The following GALNT13 variants were observed in gnomAD, a reference collection of about 807,000 sequenced individuals.
GALNT13 encodes polypeptide N-acetylgalactosaminyltransferase 13, also known as UDP-GalNAc:polypeptide N-acetylgalactosaminyltransferase 13.
A neutral mutation model predicts 64.2 loss-of-function variants in GALNT13; 28 were observed. That is an observed-to-expected ratio of 0.44 (90% CI 0.32 to 0.60). The LOEUF is 0.60. Among genes scored for constraint, GALNT13 ranks in the 20% least tolerant of loss-of-function variants. The probability of loss-of-function intolerance (pLI) is 0.05; values close to 1 mark genes in which losing one functional copy is unlikely to be tolerated. For synonymous variants in GALNT13, 214 were observed against 224.6 expected (o/e 0.95, Z 0.42); for missense variants, 577 against 669.8 (o/e 0.86, Z 1.53).
At chr2:153,813,607 C>T in the GALNT13 span, among the ~76,000 whole-genome samples, 2 of 152,140 alleles carry the variant, frequency 1.3e-5, no homozygotes, top group African/African-American at 4.8e-5. Flanking sequence ...AGAGGCCATC[C>T]GGTCTGACCT....
the GALNT13 span, among the ~76,000 whole-genome samples, chr2:153,647,904 T>C: frequency 3.3e-5 from 5 of 152,096 alleles, no homozygotes; most frequent in African/African-American, 9.7e-5. Flanking sequence ...TAGCGTGATG[T>C]CTCCAGCTTT....
chr2:153,560,859 A>T, the GALNT13 span, among the ~76,000 whole-genome samples: 2 of 152,068 alleles, frequency 1.3e-5, no homozygotes, highest in Admixed American at 6.6e-5. Context: ...GAAGAACATT[A>T]TGGAATTTTA....
At chr2:153,666,120 C>T in the GALNT13 span, among the ~76,000 whole-genome samples, 1 of 152,060 alleles carries the variant, frequency 6.6e-6, no homozygotes, top group South Asian at 2.1e-4. Flanking sequence ...CTTCATTACC[C>T]AACCAGGGTG....
the GALNT13 span, among the ~76,000 whole-genome samples, chr2:153,418,403 A>G: frequency 6.6e-6 from 1 of 152,180 alleles, no homozygotes; most frequent in Admixed American, 6.5e-5. Flanking sequence ...AGTTTGTTGT[A>G]ATTTGCCAAG....
the GALNT13 span, among the ~76,000 whole-genome samples, chr2:153,725,936 T>G: frequency 6.6e-6 from 1 of 152,230 alleles, no homozygotes; most frequent in Non-Finnish European, 1.5e-5. Context: ...AATTATGCTT[T>G]TAATATTTTT....
At chr2:153,431,147 CA>C in the GALNT13 span, among the ~76,000 whole-genome samples, 671 of 87,028 alleles carry the variant, frequency 7.7e-3, 13 homozygotes, top group East Asian at 0.12. Flanking sequence ...GAGACTCTGT[CA>C]AAAAAAAAAA....
the GALNT13 span, among the ~76,000 whole-genome samples, chr2:153,496,818 G>A: frequency 1.6e-3 from 238 of 151,372 alleles, 1 homozygote; most frequent in African/African-American, 5.4e-3. Context: ...AAACCCCATC[G>A]CTACTAAAAA....
rs1488037538 is a variant in GALNT13, at chr2:153,947,287, T to A, written c.142+2648T>A. ...ACCTGCCATGGAGCTTAAAGTCAAA[T>A]ATATAGTAAACATTTTTGTCTTTCT... On this transcript the variant is annotated intron_variant, in intron 3 of 12. Transcript: ENST00000392825. Among the ~76,000 whole-genome samples, 4 of 151,960 alleles carry A rather than the reference T, an allele frequency of 2.6e-5. No individual in the cohort carries two copies. The East Asian group carries it at 7.7e-4, about 29-fold the overall frequency.
chr2:153,316,639 C>CA, the GALNT13 span, among the ~76,000 whole-genome samples: 543 of 69,738 alleles, frequency 7.8e-3, 15 homozygotes, highest in East Asian at 0.026. Flanking sequence ...GACTCCGTCT[C>CA]AAAAAAAAAA....
chr2:154,217,765 A>C (rs1182288569), intron 4 of GALNT13, among the ~76,000 whole-genome samples: 1 of 152,192 alleles, frequency 6.6e-6, no homozygotes, highest in African/African-American at 2.4e-5. Context: ...TTAAAACTGC[A>C]TGGAAGTATA....
intron 9 of GALNT13, among the ~76,000 whole-genome samples, chr2:154,375,348 G>C (rs1297501616): frequency 6.6e-6 from 1 of 152,080 alleles, no homozygotes; most frequent in Non-Finnish European, 1.5e-5. Context: ...TAAAAAGATA[G>C]AGCTATACAT....
the GALNT13 span, among the ~76,000 whole-genome samples, chr2:153,204,069 C>A: frequency 6.6e-5 from 10 of 152,186 alleles, no homozygotes; most frequent in African/African-American, 2.2e-4. Context: ...ACTTGTTAAC[C>A]AATCACACTA....
intron 3 of GALNT13, among the ~76,000 whole-genome samples, chr2:154,034,301 A>C (rs2105313071): frequency 6.6e-6 from 1 of 152,308 alleles, no homozygotes; most frequent in African/African-American, 2.4e-5. Context: ...TAAATGAACT[A>C]TTGATATACA....
At chr2:153,514,459 G>A in the GALNT13 span, among the ~76,000 whole-genome samples, 21,768 of 152,088 alleles carry the variant, frequency 0.14, 1,846 homozygotes, top group African/African-American at 0.24. Context: ...TGCCAAACCT[G>A]TCAGTCACTT....
chr2:154,346,136 G>T (rs1442994924), intron 9 of GALNT13, among the ~76,000 whole-genome samples: 1 of 151,682 alleles, frequency 6.6e-6, no homozygotes, highest in Admixed American at 6.6e-5. Context: ...ATTTAACCTT[G>T]CTCAGTTTTA....
the GALNT13 span, among the ~76,000 whole-genome samples, chr2:153,350,234 G>T: frequency 6.6e-6 from 1 of 152,064 alleles, no homozygotes; most frequent in Admixed American, 6.5e-5. Flanking sequence ...TAGAAGATAC[G>T]TAAAATCAGT....
the GALNT13 span, chr2:153,478,870 C>G: frequency 2.8e-6 from 1 of 356,362 alleles, no homozygotes; most frequent in East Asian, 4.4e-5. Flanking sequence ...AGGTGCGGGC[C>G]GCGGCGGCTG....
chr2:153,603,478 A>C, the GALNT13 span, among the ~76,000 whole-genome samples: 2 of 151,964 alleles, frequency 1.3e-5, no homozygotes. Flanking sequence ...GTTTGGAAAC[A>C]AACAGTAATT....
At chr2:154,085,588 T>C (rs1302663413) in intron 3 of GALNT13, among the ~76,000 whole-genome samples, 1 of 152,026 alleles carries the variant, frequency 6.6e-6, no homozygotes, top group East Asian at 1.9e-4. Flanking sequence ...TCTGCTTCCA[T>C]CATTTAATTG....
Sources: gnomAD v4.1 joint callset for allele counts (sites outside exome capture counted in the v4.1 genomes callset) on GRCh38, gnomAD v4.1.1 for gene constraint, MANE v1.5 for transcripts, NCBI Gene and HGNC (gene_info 2026-07-23, HGNC 2026-07-21) for gene names.